Variants in ARFGEF1 observed in about 807,000 individuals in gnomAD.
ARFGEF1 encodes ARF guanine nucleotide exchange factor 1, also known as brefeldin A-inhibited guanine nucleotide-exchange protein 1.
ARFGEF1 carries 42 observed loss-of-function variants against 231.0 expected under a neutral mutation model. That is an observed-to-expected ratio of 0.18 (90% CI 0.14 to 0.24). ARFGEF1 has a LOEUF of 0.24. ARFGEF1 is among the 10% of genes least tolerant of loss of function. The pLI is 1.00. For synonymous variants in ARFGEF1, 710 were observed against 732.3 expected, an observed-to-expected ratio of 0.97 and a Z score of 0.49; for missense variants, 1,345 against 2,192.0, an observed-to-expected ratio of 0.61 and a Z score of 7.72.
At chr8:67,236,544 G>C (rs765074960) in intron 22 of ARFGEF1, among the ~76,000 whole-genome samples, 103 of 151,842 alleles carry the variant, frequency 6.8e-4, no homozygotes, top group Admixed American at 2.1e-3. Context: ...GACAAGGGTA[G>C]CCATTTGCCA....
chr8:67,247,930 AAG>A (rs1840156179), intron 19 of ARFGEF1, among the ~76,000 whole-genome samples: 1 of 150,320 alleles, frequency 6.7e-6, no homozygotes. Flanking sequence ...CAATCTGAGA[AAG>A]AAATTTTAAA....
At chr8:67,262,552 T>A (rs1435751386) in intron 14 of ARFGEF1, among the ~76,000 whole-genome samples, 1 of 152,250 alleles carries the variant, frequency 6.6e-6, no homozygotes, top group Non-Finnish European at 1.5e-5. Context: ...GACATATTAC[T>A]GTAGGTAAAT....
chr8:67,220,897 CT>C (rs60939328), intron 29 of ARFGEF1, among the ~76,000 whole-genome samples: 2,537 of 140,092 alleles, frequency 0.018, 59 homozygotes, highest in African/African-American at 0.056. Flanking sequence ...TTTTCCTTTT[CT>C]TTTTTTTTTT....
chr8:67,300,500 C>A (rs374760750), intron 3 of ARFGEF1, among the ~76,000 whole-genome samples: 126 of 151,820 alleles, frequency 8.3e-4, no homozygotes, highest in Middle Eastern at 6.8e-3. Context: ...TATTAAGCTG[C>A]CAATATTAAC....
chr8:67,296,288 C>T lies in ARFGEF1; in HGVS notation c.639+143G>A, dbSNP rs781119499. On this transcript the variant is annotated intron_variant, in intron 5 of 38. Transcript: ENST00000262215. ...AACAAAACAAAATAAAACACAATCC[C>T]ACAAATCTCCAGTAAGTGGAAATGT... 1.8e-4 allele frequency: 143 copies of T among 791,104 alleles called. No homozygotes were observed. The Middle Eastern group carries it at 3.4e-3, about 19-fold the overall frequency. The allele number at this position is 791,104 out of a possible 1,614,324, so 49.0% of individuals were successfully genotyped here.
intron 14 of ARFGEF1, among the ~76,000 whole-genome samples, chr8:67,261,032 C>T (rs1011910237): frequency 3.3e-5 from 5 of 152,168 alleles, no homozygotes; most frequent in Non-Finnish European, 7.3e-5. Flanking sequence ...AATGAAGCTG[C>T]AGAAGAAAAT....
At chr8:67,310,968 G>GGGGATCAGCTCCCC (rs574813309) in intron 1 of ARFGEF1, among the ~76,000 whole-genome samples, 1 of 145,342 alleles carries the variant, frequency 6.9e-6, no homozygotes, top group African/African-American at 2.6e-5. Context: ...AGGGAGGTGG[G>GGGGATCAGCTCCCC]GCCCGGGAGG....
intron 1 of ARFGEF1, among the ~76,000 whole-genome samples, chr8:67,342,937 G>C (rs547041107): frequency 2.6e-5 from 4 of 152,134 alleles, no homozygotes; most frequent in Non-Finnish European, 5.9e-5. Flanking sequence ...AAGCCCTGCC[G>C]CGTTTCCCGA....
At chr8:67,184,814 A>C (rs1450572688) in intron 5 of ARFGEF1, among the ~76,000 whole-genome samples, 1 of 149,318 alleles carries the variant, frequency 6.7e-6, no homozygotes, top group Non-Finnish European at 1.5e-5. Flanking sequence ...CGTTAAAAAC[A>C]GTCGGCCGGG....
At chr8:67,206,080 T>A (rs1029050700) in intron 34 of ARFGEF1, among the ~76,000 whole-genome samples, 1 of 152,002 alleles carries the variant, frequency 6.6e-6, no homozygotes, top group Non-Finnish European at 1.5e-5. Flanking sequence ...TTACCTCTTA[T>A]TTTCAAAGAC....
Position 67,292,054 on chromosome 8 carries a change from TTACTGGAGACTG to T in ARFGEF1, c.697_708del (p.Gln233_Val236del). 1 of 1,614,004 alleles carries T rather than the reference TTACTGGAGACTG, an allele frequency of 6.2e-7. No individual in the cohort carries two copies. Among genetic ancestry groups the T allele is most frequent in the East Asian group, 2.2e-5 (1 of 44,882 alleles). ...TGAGGTGATTCAGGCTCGTGATGGC[TTACTGGAGACTG>T]TAACAGATGATGATGCTGCCGATGC... On this transcript the variant is annotated inframe_deletion, in exon 6 of 39. Coordinates refer to ENST00000262215, the MANE Select transcript of ARFGEF1 (RefSeq NM_006421.5).
At chr8:67,228,542 A>G (rs1839453615) in intron 23 of ARFGEF1, among the ~76,000 whole-genome samples, 1 of 152,040 alleles carries the variant, frequency 6.6e-6, no homozygotes, top group African/African-American at 2.4e-5. Flanking sequence ...CAAACCCCGG[A>G]TAGATATGAG....
chr8:67,301,787 T>A (rs376944537), intron 2 of ARFGEF1, among the ~76,000 whole-genome samples: 128 of 152,328 alleles, frequency 8.4e-4, no homozygotes, highest in Middle Eastern at 6.8e-3. Context: ...GCCAACACTA[T>A]CAAAAAACCT....
intron 38 of ARFGEF1, chr8:67,199,940 C>T: frequency 8.4e-6 from 2 of 238,544 alleles, no homozygotes; most frequent in South Asian, 5.9e-5. Flanking sequence ...TAGATGAGGC[C>T]CATTCACTAG....
intron 5 of ARFGEF1, among the ~76,000 whole-genome samples, chr8:67,188,663 G>A (rs1376855847): frequency 2.0e-5 from 3 of 152,152 alleles, no homozygotes; most frequent in Non-Finnish European, 2.9e-5. Context: ...CTGTCCACCA[G>A]TGCTGTTTGC....
At chr8:67,264,866 C>A (rs1804785594) in intron 14 of ARFGEF1, among the ~76,000 whole-genome samples, 1 of 152,172 alleles carries the variant, frequency 6.6e-6, no homozygotes, top group Non-Finnish European at 1.5e-5. Context: ...AACATTTACA[C>A]AGTACTATTT....
intron 1 of ARFGEF1, among the ~76,000 whole-genome samples, chr8:67,336,887 T>C (rs1262082999): frequency 5.3e-5 from 8 of 151,720 alleles, no homozygotes; most frequent in African/African-American, 9.7e-5. Context: ...TCCCAGCACC[T>C]TGGGAGGCCA....
At chr8:67,299,926 G>T (rs966000935) in intron 3 of ARFGEF1, among the ~76,000 whole-genome samples, 1 of 151,740 alleles carries the variant, frequency 6.6e-6, no homozygotes, top group Non-Finnish European at 1.5e-5. Flanking sequence ...CCAAGCCTGC[G>T]CCACTGCACT....
At chr8:67,182,869 T>C (rs1402181240) in intron 5 of ARFGEF1, among the ~76,000 whole-genome samples, 1 of 152,232 alleles carries the variant, frequency 6.6e-6, no homozygotes, top group Non-Finnish European at 1.5e-5. Context: ...TTATTATCTA[T>C]TCTGGATATT....
Sources: gnomAD v4.1 joint callset for allele counts (sites outside exome capture counted in the v4.1 genomes callset) on GRCh38, gnomAD v4.1.1 for gene constraint, MANE v1.5 for transcripts, NCBI Gene and HGNC (gene_info 2026-07-23, HGNC 2026-07-21) for gene names.